The following TNNI3K variants were observed in gnomAD, a reference collection of about 807,000 sequenced individuals.
TNNI3K encodes serine/threonine-protein kinase TNNI3K.
In TNNI3K, 140 loss-of-function variants were observed where a neutral mutation model predicts 114.5. That is an observed-to-expected ratio of 1.22 (90% CI 1.07 to 1.41). TNNI3K has a LOEUF of 1.41. TNNI3K is among the 40% of genes most tolerant of loss of function. The pLI, the probability that TNNI3K is intolerant of heterozygous loss-of-function variation, is 0.00. For synonymous variants in TNNI3K, 347 were observed against 347.5 expected, an observed-to-expected ratio of 1.00 and a Z score of 0.02; for missense variants, 1,125 against 1,007.6, an observed-to-expected ratio of 1.12 and a Z score of -1.58.
intron 17 of TNNI3K, among the ~76,000 whole-genome samples, chr1:74,379,040 A>C (rs904983513): frequency 6.6e-6 from 1 of 152,034 alleles, no homozygotes; most frequent in Non-Finnish European, 1.5e-5. Context: ...AAATGAATGA[A>C]AACTACTTAA....
At chr1:74,475,817 C>T in intron 21 of TNNI3K, 1 of 578,100 alleles carries the variant, frequency 1.7e-6, no homozygotes, top group Non-Finnish European at 3.2e-6. Context: ...GCTCCTATGA[C>T]AAATAGAGAG....
intron 17 of TNNI3K, among the ~76,000 whole-genome samples, chr1:74,410,494 A>G (rs1050983214): frequency 4.6e-5 from 7 of 152,244 alleles, no homozygotes; most frequent in African/African-American, 1.7e-4. Context: ...AGAAGATATT[A>G]ATTTCTAAAA....
chr1:74,334,432 GA>G (rs1660364309), intron 6 of TNNI3K, among the ~76,000 whole-genome samples: 1 of 152,182 alleles, frequency 6.6e-6, no homozygotes, highest in African/African-American at 2.4e-5. Context: ...AGACAATTGA[GA>G]GGGGTCAATT....
At chr1:74,313,349 T>C (rs929558796) in intron 5 of TNNI3K, among the ~76,000 whole-genome samples, 2 of 152,208 alleles carry the variant, frequency 1.3e-5, no homozygotes, top group Non-Finnish European at 2.9e-5. Context: ...GTCTATCTCC[T>C]GTGCTTGGCA....
chr1:74,411,845 G>C (rs1483312533), intron 17 of TNNI3K, among the ~76,000 whole-genome samples: 2 of 152,142 alleles, frequency 1.3e-5, no homozygotes, highest in East Asian at 3.9e-4. Context: ...TTCTCTTGAA[G>C]GCTGGACAGA....
chr1:74,501,235 C>T (rs935403807), intron 23 of TNNI3K, among the ~76,000 whole-genome samples: 1 of 152,160 alleles, frequency 6.6e-6, no homozygotes, highest in Non-Finnish European at 1.5e-5. Context: ...CTTATTCTCT[C>T]AGAAGCTGGA....
At chr1:74,413,618 A>G (rs1164622108) in intron 17 of TNNI3K, among the ~76,000 whole-genome samples, 3 of 152,200 alleles carry the variant, frequency 2.0e-5, no homozygotes, top group Non-Finnish European at 4.4e-5. Flanking sequence ...AGCAACTTCC[A>G]TAGAAGTTGA....
chr1:74,398,963 T>C (rs1557543292), intron 17 of TNNI3K, among the ~76,000 whole-genome samples: 1 of 151,934 alleles, frequency 6.6e-6, no homozygotes, highest in Non-Finnish European at 1.5e-5. Flanking sequence ...GAGACCAGCC[T>C]GGCCAACATG....
chr1:74,479,521 T>C (rs1325310287), intron 21 of TNNI3K, among the ~76,000 whole-genome samples: 1 of 152,190 alleles, frequency 6.6e-6, no homozygotes, highest in Non-Finnish European at 1.5e-5. Flanking sequence ...AGAAGTTAGA[T>C]AATGCATCCA....
At chr1:74,489,333 A>T (rs1212917718) in intron 22 of TNNI3K, 85 bp downstream of exon 22, 3 of 1,413,148 alleles carry the variant, frequency 2.1e-6, no homozygotes, top group Non-Finnish European at 2.9e-6. Context: ...GCTGGTGCTT[A>T]TGAAAAGTTA....
At chr1:74,399,989 G>C (rs1049783984) in intron 17 of TNNI3K, among the ~76,000 whole-genome samples, 3 of 152,194 alleles carry the variant, frequency 2.0e-5, no homozygotes, top group Non-Finnish European at 4.4e-5. Context: ...GGAAAGCCCT[G>C]TGCTGGCTGG....
chr1:74,415,771 A>G lies in TNNI3K; in HGVS notation c.1773-20309A>G, dbSNP rs371025032. Among the ~76,000 whole-genome samples, 5 of 151,308 alleles carry G rather than the reference A, an allele frequency of 3.3e-5. No individual in the cohort carries two copies. In the East Asian group the frequency reaches 9.7e-4, roughly 29 times the overall value. On this transcript the variant is annotated intron_variant, in intron 17 of 24. Coordinates refer to ENST00000326637, the MANE Select transcript of TNNI3K (RefSeq NM_015978.3). ...TTCCCCAGTGATTTGAACAATATAT[A>G]TCCCGTTCTTGGTTTTAGATTATGG...
At chr1:74,434,754 G>A (rs918086484) in intron 17 of TNNI3K, among the ~76,000 whole-genome samples, 1 of 151,914 alleles carries the variant, frequency 6.6e-6, no homozygotes, top group Admixed American at 6.6e-5. Context: ...CTTCTACACT[G>A]CGCTACTGCA....
chr1:74,428,068 A>G (rs1030467347), intron 17 of TNNI3K, among the ~76,000 whole-genome samples: 1 of 151,942 alleles, frequency 6.6e-6, no homozygotes, highest in African/African-American at 2.4e-5. Flanking sequence ...CTTCAAATAT[A>G]CTTCTACTGA....
intron 17 of TNNI3K, chr1:74,372,637 T>C (rs1386127964): frequency 6.6e-6 from 1 of 151,886 alleles, no homozygotes; most frequent in Non-Finnish European, 1.5e-5. Context: ...ATTTTGAGTT[T>C]TAAGAGTATT....
At chr1:74,296,234 C>T (rs1365788846) in intron 5 of TNNI3K, among the ~76,000 whole-genome samples, 1 of 151,484 alleles carries the variant, frequency 6.6e-6, no homozygotes, top group Non-Finnish European at 1.5e-5. Flanking sequence ...GGAGATCGCG[C>T]CACTGTGCTC....
chr1:74,349,322 C>T (rs1661198552), intron 9 of TNNI3K, among the ~76,000 whole-genome samples: 1 of 152,082 alleles, frequency 6.6e-6, no homozygotes, highest in African/African-American at 2.4e-5. Flanking sequence ...GGATGAAGCC[C>T]ACTTGATCAT....
At chr1:74,367,507 TAAAG>T (rs898004581) in intron 12 of TNNI3K, among the ~76,000 whole-genome samples, 165 bp downstream of exon 12, 4 of 151,916 alleles carry the variant, frequency 2.6e-5, no homozygotes, top group African/African-American at 9.7e-5. Flanking sequence ...AGGCTGAACA[TAAAG>T]AAGCCTCCAT....
At chr1:74,292,383 T>G (rs537838588) in intron 5 of TNNI3K, among the ~76,000 whole-genome samples, 1 of 151,738 alleles carries the variant, frequency 6.6e-6, no homozygotes, top group South Asian at 2.1e-4. Context: ...AGTTCTGTTT[T>G]TGGCACATTT....
Sources: gnomAD v4.1 joint callset for allele counts (sites outside exome capture counted in the v4.1 genomes callset) on GRCh38, gnomAD v4.1.1 for gene constraint, MANE v1.5 for transcripts, NCBI Gene and HGNC (gene_info 2026-07-23, HGNC 2026-07-21) for gene names.